ECT2: variants seen among roughly 807,000 people sequenced by gnomAD.
The protein encoded by ECT2 is epithelial cell transforming 2.
Under a neutral mutation model 116.9 loss-of-function variants are expected in ECT2, and 61 were observed. The observed-to-expected ratio is 0.52, with a 90% CI of 0.42 to 0.65. ECT2 has a LOEUF of 0.65. Ranked by LOEUF, ECT2 falls within the 30% of genes least tolerant of loss-of-function variation. The probability of loss-of-function intolerance (pLI) is 0.00; values close to 1 mark genes in which losing one functional copy is unlikely to be tolerated. For synonymous variants in ECT2, 358 were observed against 346.4 expected (o/e 1.03, Z -0.37); for missense variants, 937 against 1,078.7 (o/e 0.87, Z 1.84).
chr3:172,781,663 T>C (rs1722719105), intron 14 of ECT2, among the ~76,000 whole-genome samples: 1 of 152,212 alleles, frequency 6.6e-6, no homozygotes, highest in African/African-American at 2.4e-5. Context: ...CTATGGTTCA[T>C]GGGCCAAATC....
chr3:172,802,515 C>A, intron 18 of ECT2, 101 bp from the exon 19 acceptor site: 1 of 698,912 alleles, frequency 1.4e-6, no homozygotes, highest in Non-Finnish European at 2.3e-6. Context: ...ATTCACTTAT[C>A]AAAATAAGAC....
chr3:172,776,744 C>T lies in ECT2; in HGVS notation c.1548+2722C>T, dbSNP rs115022469. Reference sequence around the variant, plus strand: ...TCTTTTGGTATGTAGATGAATACACCATGTAAATGTGTCTTAAATTTGTAC... The same window carrying T: ...TCTTTTGGTATGTAGATGAATACACTATGTAAATGTGTCTTAAATTTGTAC... On this transcript the variant is annotated intron_variant, in intron 14 of 24. Transcript: ENST00000392692. Among the ~76,000 whole-genome samples the T allele has an allele frequency of 6.2e-3, 938 of 152,220 alleles. 9 individuals carry two copies. The highest frequency in any genetic ancestry group is 0.021 in the African/African-American group (866 of 41,528).
chr3:172,782,349 T>G, intron 15 of ECT2, 118 bp downstream of exon 15: 1 of 497,672 alleles, frequency 2.0e-6, no homozygotes, highest in Non-Finnish European at 3.5e-6. Context: ...GATATGATTG[T>G]GTTTATAAAA....
intron 12 of ECT2, among the ~76,000 whole-genome samples, chr3:172,767,407 C>T (rs1295323968): frequency 6.6e-6 from 1 of 152,158 alleles, no homozygotes; most frequent in Non-Finnish European, 1.5e-5. Flanking sequence ...CACCACTGCA[C>T]TCCAGCCTGG....
At chr3:172,809,711 C>T (rs1283343491) in intron 22 of ECT2, among the ~76,000 whole-genome samples, 1 of 151,954 alleles carries the variant, frequency 6.6e-6, no homozygotes, top group Non-Finnish European at 1.5e-5. Flanking sequence ...CCCTAAGTAA[C>T]CTGAGCTTTC....
chr3:172,825,413 A>G (rs1395526615), downstream of ECT2, among the ~76,000 whole-genome samples: 1 of 152,180 alleles, frequency 6.6e-6, no homozygotes, highest in African/African-American at 2.4e-5. Flanking sequence ...AGGCATGTTG[A>G]AAACAGAGAT....
At chr3:172,817,527 T>C (rs796266803) in intron 24 of ECT2, among the ~76,000 whole-genome samples, 1 of 152,144 alleles carries the variant, frequency 6.6e-6, no homozygotes, top group South Asian at 2.1e-4. Flanking sequence ...TTCCTTTTAC[T>C]ATTTTTGTGA....
At chr3:172,771,192 A>G (rs545542972) in intron 13 of ECT2, 7 of 152,280 alleles carry the variant, frequency 4.6e-5, no homozygotes, top group Admixed American at 6.5e-5. Flanking sequence ...TAGCTGTACT[A>G]TCATTTTCCT....
chr3:172,785,395 CTTAA>C (rs1317408769), intron 17 of ECT2, among the ~76,000 whole-genome samples: 1 of 151,388 alleles, frequency 6.6e-6, no homozygotes, highest in Non-Finnish European at 1.5e-5. Context: ...TTATTTTATT[CTTAA>C]TTAAGTATGA....
At chr3:172,774,556 C>G (rs1274165186) in intron 14 of ECT2, among the ~76,000 whole-genome samples, 1 of 152,098 alleles carries the variant, frequency 6.6e-6, no homozygotes, top group East Asian at 1.9e-4. Context: ...GTGGCCTGAT[C>G]ATGACTTACT....
At chr3:172,828,397 A>C in the ECT2 span, among the ~76,000 whole-genome samples, 3 of 151,842 alleles carry the variant, frequency 2.0e-5, no homozygotes, top group Non-Finnish European at 4.4e-5. Flanking sequence ...TTGTTTCTAA[A>C]TTTATGTGGA....
the ECT2 span, among the ~76,000 whole-genome samples, chr3:172,828,424 A>G: frequency 6.6e-4 from 100 of 152,260 alleles, no homozygotes; most frequent in African/African-American, 2.3e-3. Flanking sequence ...AAGGGTCAAG[A>G]ATAATGAATA....
chr3:172,772,004 T>C (rs930280347), intron 13 of ECT2, among the ~76,000 whole-genome samples: 1 of 152,182 alleles, frequency 6.6e-6, no homozygotes. Context: ...ATTCTTTCTT[T>C]AAAATTTTTG....
intron 13 of ECT2, among the ~76,000 whole-genome samples, chr3:172,773,261 TA>T (rs1390736223): frequency 3.3e-5 from 5 of 152,296 alleles, no homozygotes; most frequent in African/African-American, 7.2e-5. Flanking sequence ...TTAAGTATTT[TA>T]TTTTTTTATT....
At chr3:172,784,839 T>C (rs1245221330) in intron 17 of ECT2, 36 bp downstream of exon 17, 6 of 1,226,980 alleles carry the variant, frequency 4.9e-6, no homozygotes, top group Non-Finnish European at 6.9e-6. Flanking sequence ...ACATCAGATA[T>C]TTTAATGGAA....
chr3:172,759,120 TA>T, intron 6 of ECT2, 51 bp downstream of exon 6: 3 of 1,334,920 alleles, frequency 2.2e-6, no homozygotes, highest in Non-Finnish European at 3.1e-6. Flanking sequence ...CAAAATAAAT[TA>T]AAATTGGCTT....
intron 22 of ECT2, among the ~76,000 whole-genome samples, chr3:172,812,046 A>G (rs1728857796): frequency 6.7e-6 from 1 of 149,568 alleles, no homozygotes; most frequent in Admixed American, 6.8e-5. Flanking sequence ...GTGCAGTGGC[A>G]CAATCTTGGC....
chr3:172,773,821 T>TGTG, intron 13 of ECT2, 82 bp from the exon 14 acceptor site: 1 of 1,357,944 alleles, frequency 7.4e-7, no homozygotes, highest in South Asian at 1.3e-5. Flanking sequence ...ATTAATATCT[T>TGTG]GTGTCTCCTT....
chr3:172,761,867 A>G lies in ECT2; in HGVS notation c.758+184A>G, dbSNP rs910836199. On this transcript the variant is annotated intron_variant, in intron 8 of 24. Transcript: ENST00000392692. The stretch of plus-strand genomic sequence containing the variant: ...TATAAAAAATTAAAAATTGAAAGAT[A>G]TCTTTGATATCTTTGGATTTTACCT... Among the ~76,000 whole-genome samples, 6 of 152,102 alleles carry G rather than the reference A, an allele frequency of 3.9e-5. No homozygotes were observed. In the South Asian group the frequency reaches 6.2e-4, roughly 16 times the overall value.
Sources: allele counts gnomAD v4.1 joint callset (sites outside exome capture counted in the v4.1 genomes callset), GRCh38; gene constraint gnomAD v4.1.1; transcripts MANE v1.5; gene names NCBI Gene and HGNC (gene_info 2026-07-23, HGNC 2026-07-21).